The following GRIK4 variants were observed in gnomAD, a reference collection of about 807,000 sequenced individuals.
GRIK4 encodes the protein glutamate receptor ionotropic, kainate 4.
A neutral mutation model predicts 104.9 loss-of-function variants in GRIK4; 40 were observed. That is an observed-to-expected ratio of 0.38 (90% CI 0.30 to 0.50). The LOEUF is 0.50. Ranked by LOEUF, GRIK4 falls within the 20% of genes least tolerant of loss-of-function variation. The probability of loss-of-function intolerance (pLI) is 0.93; values close to 1 mark genes in which losing one functional copy is unlikely to be tolerated. For missense variants in GRIK4, 1,047 were observed against 1,308.1 expected (o/e 0.80, Z 3.08); for synonymous variants, 485 against 524.9 (o/e 0.92, Z 1.04).
chr11:120,542,519 C>T (rs1015982223), intron 1 of GRIK4, among the ~76,000 whole-genome samples: 4 of 152,064 alleles, frequency 2.6e-5, no homozygotes, highest in Admixed American at 2.0e-4. Flanking sequence ...GAAAAGGCAA[C>T]GTATGTCATG....
chr11:120,921,388 A>T (rs994681831), intron 13 of GRIK4, among the ~76,000 whole-genome samples: 2 of 152,178 alleles, frequency 1.3e-5, no homozygotes, highest in Non-Finnish European at 2.9e-5. Flanking sequence ...AGGCATGTGG[A>T]AGAGAATTAA....
chr11:120,621,609 G>A (rs1291585097), intron 1 of GRIK4, among the ~76,000 whole-genome samples: 2 of 152,126 alleles, frequency 1.3e-5, no homozygotes, highest in Non-Finnish European at 1.5e-5. Context: ...ATGGGAGTTG[G>A]GTTAGTGTGC....
chr11:120,849,827 A>T (rs1261868274), intron 8 of GRIK4, among the ~76,000 whole-genome samples: 3 of 152,244 alleles, frequency 2.0e-5, no homozygotes. Flanking sequence ...TTAGCACCTT[A>T]AAACAGGAGC....
chr11:120,819,750 G>C lies in GRIK4; in HGVS notation c.346-5G>C. 1 of 1,613,760 alleles carries C rather than the reference G, an allele frequency of 6.2e-7. No individual in the cohort carries two copies. Among genetic ancestry groups the C allele is most frequent in the Non-Finnish European group, 8.5e-7 (1 of 1,179,852 alleles). Reference sequence around the variant, plus strand: ...CCTGCTGTCCGTTTTTGCTCCTCTTGCCAGGTCCCTCACTTCAAAGTGGCC... The same window carrying C: ...CCTGCTGTCCGTTTTTGCTCCTCTTCCCAGGTCCCTCACTTCAAAGTGGCC... On this transcript the variant is annotated splice_polypyrimidine_tract_variant and splice_region_variant and intron_variant, in intron 5 of 20. Transcript: ENST00000527524. The surrounding 1 kb of genome is among the most constrained non-coding windows in gnomAD (Gnocchi z 4.3).
chr11:120,630,400 G>C (rs1376243268), intron 1 of GRIK4, among the ~76,000 whole-genome samples: 1 of 152,266 alleles, frequency 6.6e-6, no homozygotes, highest in Non-Finnish European at 1.5e-5. Context: ...AATCTCTTTG[G>C]GTTGCACGTG....
intron 12 of GRIK4, among the ~76,000 whole-genome samples, chr11:120,901,013 C>T (rs1942721847): frequency 6.6e-6 from 1 of 152,322 alleles, no homozygotes; most frequent in South Asian, 2.1e-4. Flanking sequence ...CCTCTTCTAT[C>T]CATCCGCAAA....
At chr11:120,519,514 G>A (rs371688535) in intron 1 of GRIK4, among the ~76,000 whole-genome samples, 4 of 152,172 alleles carry the variant, frequency 2.6e-5, no homozygotes, top group Non-Finnish European at 5.9e-5. Context: ...CCTTGATCTC[G>A]GGCTTCCCCG....
At chr11:120,671,133 T>C (rs1258094048) in intron 3 of GRIK4, among the ~76,000 whole-genome samples, 2 of 152,204 alleles carry the variant, frequency 1.3e-5, no homozygotes, top group African/African-American at 4.8e-5. Context: ...TCCAAGTCTT[T>C]GCTGTTGTGA....
At chr11:120,716,983 G>A (rs948494177) in intron 3 of GRIK4, among the ~76,000 whole-genome samples, 1 of 152,192 alleles carries the variant, frequency 6.6e-6, no homozygotes, top group Admixed American at 6.5e-5. Context: ...CGTGCTTAGG[G>A]ACTAGGATCC....
At chr11:120,533,421 G>T (rs1045265502) in intron 1 of GRIK4, among the ~76,000 whole-genome samples, 1 of 152,306 alleles carries the variant, frequency 6.6e-6, no homozygotes, top group African/African-American at 2.4e-5. Context: ...TTTAATAGCT[G>T]AGCCTAGAGA....
At position 120,802,773 on chromosome 11, in the gene GRIK4, G is replaced by C; in HGVS notation, c.163G>C (p.Ala55Pro). The change falls in exon 4 of 21, where the codon GCT becomes CCT. Residue 55 changes from alanine to proline, a missense_variant. This residue lies in a region of GRIK4 where 447 missense variants were observed against 514.9 expected (regional missense o/e 0.87). Transcript: ENST00000527524. ...CCTGGCCAAGAACCGCATCAACCGC[G>C]CTCCTGAGAGGCTGGGCAAGGCCAA... The part of the protein sequence containing the change: ...ITLAKNRINR[A>P]PERLGKAKVE... The C allele has an allele frequency of 1.2e-6, 2 of 1,614,140 alleles. No individual in the cohort carries two copies. The highest frequency in any genetic ancestry group is 1.7e-6 in the Non-Finnish European group (2 of 1,179,982).
chr11:120,620,497 G>A (rs781099400), intron 1 of GRIK4, among the ~76,000 whole-genome samples: 6 of 151,948 alleles, frequency 3.9e-5, no homozygotes, highest in Admixed American at 6.6e-5. Context: ...TTTCTTTATA[G>A]CAATACGAGC....
chr11:120,972,663 A>G (rs1360050747), intron 19 of GRIK4, among the ~76,000 whole-genome samples: 1 of 152,176 alleles, frequency 6.6e-6, no homozygotes, highest in African/African-American at 2.4e-5. Flanking sequence ...GGAGCCGGAG[A>G]GAGGCAGATA....
intron 1 of GRIK4, among the ~76,000 whole-genome samples, chr11:120,647,763 A>G (rs767334083): frequency 5.0e-4 from 76 of 152,182 alleles, no homozygotes; most frequent in Admixed American, 1.3e-4. Context: ...ACCCTGACTT[A>G]TGAAAGCGGC....
chr11:120,596,680 A>G (rs1288242235), intron 1 of GRIK4, among the ~76,000 whole-genome samples: 1 of 151,896 alleles, frequency 6.6e-6, no homozygotes, highest in African/African-American at 2.4e-5. Context: ...ATGTGTAGGG[A>G]AAATGAGGGC....
intron 1 of GRIK4, among the ~76,000 whole-genome samples, chr11:120,621,350 C>G (rs961321348): frequency 6.6e-6 from 1 of 152,212 alleles, no homozygotes; most frequent in Admixed American, 6.5e-5. Flanking sequence ...GCACTTGGAG[C>G]TGTCAGGGAG....
At chr11:120,626,070 T>C (rs1385949603) in intron 1 of GRIK4, among the ~76,000 whole-genome samples, 1 of 152,190 alleles carries the variant, frequency 6.6e-6, no homozygotes, top group Non-Finnish European at 1.5e-5. Flanking sequence ...ATGGAAGACT[T>C]TAATTATTTC....
chr11:120,863,662 A>G (rs1954318776), intron 9 of GRIK4, among the ~76,000 whole-genome samples: 1 of 152,248 alleles, frequency 6.6e-6, no homozygotes, highest in Non-Finnish European at 1.5e-5. Context: ...GTGAGTTTTT[A>G]AAATAGGAGC....
Position 120,620,362 on chromosome 11 carries a change from C to T in GRIK4, c.-158-33323C>T, listed in dbSNP as rs758210178. On this transcript the variant is annotated intron_variant, in intron 1 of 20. Coordinates refer to ENST00000527524, the MANE Select transcript of GRIK4 (RefSeq NM_014619.5). ...GCCCCAGCTCGAGACTCACTTGTCT[C>T]GAGCCACCACAGCCTAGTCCCCATG... 98 of 586,868 alleles carry T rather than the reference C, an allele frequency of 1.7e-4. No individual in the cohort carries two copies. The Middle Eastern group carries it at 3.2e-3, about 19-fold the overall frequency. 36.4% of individuals were successfully genotyped at this position (586,868 alleles called of 1,614,324 possible).
Sources: gnomAD v4.1 joint callset for allele counts (sites outside exome capture counted in the v4.1 genomes callset) on GRCh38, gnomAD v4.1.1 for gene constraint, gnomAD v4.1.1 regional missense constraint, Gnocchi (gnomAD v3.1) non-coding constraint, MANE v1.5 for transcripts, NCBI Gene and HGNC (gene_info 2026-07-23, HGNC 2026-07-21) for gene names.